Variants in PTPRD observed in about 807,000 individuals in gnomAD.
The protein encoded by PTPRD is receptor-type tyrosine-protein phosphatase delta.
A neutral mutation model predicts 214.5 loss-of-function variants in PTPRD; 34 were observed. The observed-to-expected ratio is 0.16, with a 90% CI of 0.12 to 0.21. PTPRD has a LOEUF of 0.21. PTPRD is among the 10% of genes least tolerant of loss of function. The pLI is 1.00. For missense variants in PTPRD, 2,545 were observed against 2,398.7 expected (o/e 1.06, Z -1.27); for synonymous variants, 1,128 against 845.7 (o/e 1.33, Z -5.79).
intron 9 of PTPRD, among the ~76,000 whole-genome samples, chr9:9,277,596 C>G (rs1211693848): frequency 1.3e-5 from 2 of 151,294 alleles, no homozygotes; most frequent in African/African-American, 4.8e-5. Flanking sequence ...TTATACACAT[C>G]TATCTGTGAC....
chr9:9,955,571 T>C (rs1295464160), intron 4 of PTPRD, among the ~76,000 whole-genome samples: 2 of 151,182 alleles, frequency 1.3e-5, no homozygotes, highest in Non-Finnish European at 2.9e-5. Context: ...TCGCCCAGGC[T>C]TGAGTATAGT....
At chr9:10,384,139 A>C in intron 2 of PTPRD, among the ~76,000 whole-genome samples, 1 of 151,736 alleles carries the variant, frequency 6.6e-6, no homozygotes, top group Admixed American at 6.6e-5. Flanking sequence ...TATAGTCAAT[A>C]ATAATTTATT....
intron 10 of PTPRD, among the ~76,000 whole-genome samples, chr9:9,109,812 G>A (rs2099803555): frequency 6.6e-6 from 1 of 152,058 alleles, no homozygotes; most frequent in South Asian, 2.1e-4. Flanking sequence ...TAGATATGGT[G>A]GCCTTCTTGG....
At chr9:9,956,405 T>A (rs1042102798) in intron 4 of PTPRD, among the ~76,000 whole-genome samples, 2 of 152,130 alleles carry the variant, frequency 1.3e-5, no homozygotes, top group Non-Finnish European at 2.9e-5. Flanking sequence ...CCTGAAAGAT[T>A]AAAATAGTTA....
At chr9:9,509,304 T>C (rs1241431265) in intron 8 of PTPRD, among the ~76,000 whole-genome samples, 2 of 151,532 alleles carry the variant, frequency 1.3e-5, no homozygotes, top group Non-Finnish European at 1.5e-5. Context: ...ATGGTTTCTT[T>C]TGAATAAATA....
intron 5 of PTPRD, among the ~76,000 whole-genome samples, chr9:9,807,298 A>G (rs1408128): frequency 0.57 from 86,740 of 151,928 alleles, 27,877 homozygotes; most frequent in East Asian, 0.88. Flanking sequence ...CCAAATACAC[A>G]TTTTCTATTC....
intron 5 of PTPRD, among the ~76,000 whole-genome samples, chr9:9,937,470 T>A (rs1327246596): frequency 6.6e-6 from 1 of 150,520 alleles, no homozygotes; most frequent in Non-Finnish European, 1.5e-5. Context: ...TTAGAAAAAA[T>A]ATTTTATAAA....
chr9:10,489,188 G>C lies in PTPRD; in HGVS notation c.-600+123210C>G, dbSNP rs189903208. Among the ~76,000 whole-genome samples the C allele has an allele frequency of 2.7e-4, 41 of 152,212 alleles. 1 individual carries two copies. Among genetic ancestry groups the C allele is most frequent in the African/African-American group, 8.7e-4 (36 of 41,544 alleles). ...ATTATCAGGCGATATATCCTGCCAGGACTGGGTCATTGCCTTCAAGGCATC... is the reference window on the plus strand; with the variant it reads ...ATTATCAGGCGATATATCCTGCCAGCACTGGGTCATTGCCTTCAAGGCATC... On this transcript the variant is annotated intron_variant, in intron 2 of 45. Transcript: ENST00000381196.
At chr9:10,611,759 T>C (rs2081032842) in intron 2 of PTPRD, among the ~76,000 whole-genome samples, 2 of 152,188 alleles carry the variant, frequency 1.3e-5, no homozygotes. Flanking sequence ...TTTCACATTC[T>C]CTCTCCAAAT....
intron 4 of PTPRD, among the ~76,000 whole-genome samples, chr9:9,955,764 A>T (rs201089654): frequency 6.6e-6 from 1 of 152,170 alleles, no homozygotes; most frequent in Non-Finnish European, 1.5e-5. Context: ...ACCTCGTGAT[A>T]GCCCGCCTCG....
intron 7 of PTPRD, among the ~76,000 whole-genome samples, chr9:9,583,130 C>T (rs2091193664): frequency 6.6e-6 from 1 of 151,990 alleles, no homozygotes; most frequent in Non-Finnish European, 1.5e-5. Context: ...ATTATTCTCA[C>T]AAAATCCAAA....
intron 5 of PTPRD, among the ~76,000 whole-genome samples, chr9:9,783,569 T>A (rs1001306985): frequency 3.9e-5 from 6 of 152,154 alleles, no homozygotes; most frequent in African/African-American, 1.2e-4. Context: ...ATGTACATTT[T>A]AATTATAATT....
At chr9:9,100,967 T>A (rs1166810621) in intron 10 of PTPRD, among the ~76,000 whole-genome samples, 1 of 151,808 alleles carries the variant, frequency 6.6e-6, no homozygotes, top group Non-Finnish European at 1.5e-5. Flanking sequence ...AGATATTTTG[T>A]TGTGAAAGCA....
intron 11 of PTPRD, among the ~76,000 whole-genome samples, chr9:8,986,568 TAG>T (rs1322674144): frequency 1.3e-5 from 2 of 152,048 alleles, no homozygotes; most frequent in African/African-American, 4.8e-5. Context: ...AATAAATATA[TAG>T]AGTTATACAG....
At chr9:10,346,541 C>T (rs567213179) in intron 2 of PTPRD, among the ~76,000 whole-genome samples, 89 of 152,280 alleles carry the variant, frequency 5.8e-4, no homozygotes, top group Middle Eastern at 6.8e-3. Flanking sequence ...TTATTCTAAA[C>T]TGCAAGTGAT....
intron 9 of PTPRD, among the ~76,000 whole-genome samples, chr9:9,385,198 T>G (rs972985329): frequency 1.3e-5 from 2 of 152,114 alleles, no homozygotes; most frequent in African/African-American, 2.4e-5. Flanking sequence ...CTGAAAGCCT[T>G]TAAAGTAATT....
chr9:8,745,719 CAT>C (rs927692261), intron 11 of PTPRD, among the ~76,000 whole-genome samples: 4 of 152,300 alleles, frequency 2.6e-5, no homozygotes, highest in Admixed American at 6.5e-5. Context: ...CATGCAGACA[CAT>C]GTTTATACCA....
At chr9:9,675,947 A>G (rs886343621) in intron 7 of PTPRD, among the ~76,000 whole-genome samples, 6 of 152,180 alleles carry the variant, frequency 3.9e-5, no homozygotes, top group Non-Finnish European at 7.4e-5. Context: ...TATACCCAAC[A>G]ATGTTTCAAA....
intron 7 of PTPRD, among the ~76,000 whole-genome samples, chr9:9,646,635 T>C (rs1436534049): frequency 1.3e-5 from 2 of 152,144 alleles, no homozygotes; most frequent in Non-Finnish European, 2.9e-5. Context: ...CTCCTCTTTA[T>C]ACTATCCTAT....
Sources: gnomAD v4.1 joint callset for allele counts (sites outside exome capture counted in the v4.1 genomes callset) on GRCh38, gnomAD v4.1.1 for gene constraint, MANE v1.5 for transcripts, NCBI Gene and HGNC (gene_info 2026-07-23, HGNC 2026-07-21) for gene names.